Variants in CSMD1 observed in about 807,000 individuals in gnomAD.
CSMD1 encodes the protein CUB and sushi domain-containing protein 1.
CSMD1 carries 213 observed loss-of-function variants against 417.5 expected under a neutral mutation model. The ratio of observed to expected loss-of-function variants is 0.51; its 90% CI spans 0.46 to 0.57. The LOEUF (loss-of-function observed/expected upper bound fraction) is 0.57. CSMD1 is among the 20% of genes least tolerant of loss of function. The pLI, the probability that CSMD1 is intolerant of heterozygous loss-of-function variation, is 0.00. For synonymous variants in CSMD1, 2,862 were observed against 1,736.8 expected (o/e 1.65, Z -16.11); for missense variants, 6,923 against 4,529.7 (o/e 1.53, Z -15.17).
intron 5 of CSMD1, among the ~76,000 whole-genome samples, chr8:3,779,549 G>A (rs775517435): frequency 1.3e-5 from 2 of 152,164 alleles, no homozygotes; most frequent in Admixed American, 6.5e-5. Flanking sequence ...ATGCAAATTA[G>A]CAGTGAATTA....
intron 48 of CSMD1, among the ~76,000 whole-genome samples, chr8:3,090,715 CAT>C (rs1814883912): frequency 6.6e-6 from 1 of 152,142 alleles, no homozygotes; most frequent in Non-Finnish European, 1.5e-5. Context: ...CACGGGAAAA[CAT>C]AACTTGAAAG....
chr8:4,056,730 C>T (rs1450484796), intron 3 of CSMD1, among the ~76,000 whole-genome samples: 1 of 151,932 alleles, frequency 6.6e-6, no homozygotes, highest in Non-Finnish European at 1.5e-5. Context: ...GTACCCCTTC[C>T]TGTGTCCATG....
chr8:4,337,103 C>T (rs371112819), intron 3 of CSMD1, among the ~76,000 whole-genome samples: 24 of 152,232 alleles, frequency 1.6e-4, no homozygotes, highest in Admixed American at 7.2e-4. Flanking sequence ...GTTGCGGCCA[C>T]GTACAGGAGA....
At chr8:4,937,078 T>G (rs1374092142) in intron 1 of CSMD1, among the ~76,000 whole-genome samples, 2 of 152,134 alleles carry the variant, frequency 1.3e-5, no homozygotes, top group East Asian at 1.9e-4. Flanking sequence ...CCAGGCATTG[T>G]GGCACACACC....
intron 12 of CSMD1, among the ~76,000 whole-genome samples, chr8:3,445,146 A>G (rs1456151141): frequency 1.3e-5 from 2 of 152,234 alleles, no homozygotes; most frequent in Non-Finnish European, 1.5e-5. Context: ...TACAACCTAC[A>G]TCAAACAATC....
At chr8:4,910,873 G>C (rs1414264914) in intron 1 of CSMD1, among the ~76,000 whole-genome samples, 1 of 152,138 alleles carries the variant, frequency 6.6e-6, no homozygotes, top group Non-Finnish European at 1.5e-5. Context: ...ATCTCATCTT[G>C]AATTCCCATG....
intron 10 of CSMD1, among the ~76,000 whole-genome samples, chr8:3,513,804 C>G (rs992125202): frequency 6.6e-6 from 1 of 152,098 alleles, no homozygotes; most frequent in African/African-American, 2.4e-5. Context: ...ATTTTAATTA[C>G]GTAATAGAGT....
intron 1 of CSMD1, among the ~76,000 whole-genome samples, chr8:4,848,759 G>C (rs1203893389): frequency 6.6e-6 from 1 of 152,180 alleles, no homozygotes; most frequent in Non-Finnish European, 1.5e-5. Context: ...GGCCAGGCTA[G>C]TCTCAGACTG....
At chr8:4,242,642 T>C (rs1312650709) in intron 3 of CSMD1, among the ~76,000 whole-genome samples, 1 of 152,196 alleles carries the variant, frequency 6.6e-6, no homozygotes, top group Admixed American at 6.5e-5. Context: ...TTTGTGTGTT[T>C]GGAAATAGAT....
At chr8:3,576,214 C>G (rs1411532914) in intron 9 of CSMD1, among the ~76,000 whole-genome samples, 1 of 151,900 alleles carries the variant, frequency 6.6e-6, no homozygotes, top group Non-Finnish European at 1.5e-5. Context: ...CCACTGAACG[C>G]AGGTTTTCCA....
intron 2 of CSMD1, among the ~76,000 whole-genome samples, chr8:4,582,484 A>G (rs1312534135): frequency 6.6e-6 from 1 of 152,214 alleles, no homozygotes; most frequent in African/African-American, 2.4e-5. Context: ...TCTTTCCTCC[A>G]GGCACCAGGC....
intron 3 of CSMD1, among the ~76,000 whole-genome samples, chr8:4,177,554 G>C (rs1159810169): frequency 1.3e-5 from 2 of 151,998 alleles, no homozygotes; most frequent in African/African-American, 4.8e-5. Flanking sequence ...TTCAAAGCTA[G>C]CAGAAGGCAA....
At chr8:4,747,209 C>G (rs986948273) in intron 1 of CSMD1, among the ~76,000 whole-genome samples, 12 of 152,190 alleles carry the variant, frequency 7.9e-5, no homozygotes, top group Non-Finnish European at 2.9e-5. Context: ...TGGAGAATTT[C>G]TACCTTCAGT....
In CSMD1 at chr8:3,011,433, C is replaced by G. The variant is rs558074592; in HGVS notation, c.8029+7044G>C. On this transcript the variant is annotated intron_variant, in intron 52 of 69. Transcript: ENST00000635120. ...ATTTTATGTGGATCTTTCCAAAATA[C>G]AAGGCAATTGAAGAATATATTTAAA... 2.0e-5 allele frequency among the ~76,000 whole-genome samples: 3 copies of G among 152,120 alleles called. 1 individual carries two copies. In the South Asian group the frequency reaches 6.2e-4, roughly 32 times the overall value.
At position 3,069,418 on chromosome 8, in the gene CSMD1, G is replaced by A. The variant is rs559191552; in HGVS notation, c.7475-16771C>T. Among the ~76,000 whole-genome samples the A allele has an allele frequency of 4.0e-5, 6 of 151,344 alleles. No homozygotes were observed. The East Asian group carries it at 1.2e-3, about 29-fold the overall frequency. On this transcript the variant is annotated intron_variant, in intron 49 of 69. Coordinates refer to ENST00000635120, the MANE Select transcript of CSMD1 (RefSeq NM_033225.6). The stretch of plus-strand genomic sequence containing the variant: ...CCACTGCACACCAGCATGGGTGACA[G>A]AGTGAGACTCTGTCTGAAAAAAAAA...
chr8:4,725,219 A>T (rs187849346), intron 1 of CSMD1, among the ~76,000 whole-genome samples: 1 of 152,208 alleles, frequency 6.6e-6, no homozygotes, highest in Admixed American at 6.5e-5. Flanking sequence ...TTTAAGTCTT[A>T]TTGCAAGCTG....
chr8:3,232,267 G>C (rs1798887080), intron 26 of CSMD1, among the ~76,000 whole-genome samples: 1 of 152,068 alleles, frequency 6.6e-6, no homozygotes, highest in African/African-American at 2.4e-5. Context: ...GAAATCAAAT[G>C]CTTAACTGGA....
intron 1 of CSMD1, among the ~76,000 whole-genome samples, chr8:4,684,594 C>T (rs1242896402): frequency 1.3e-5 from 2 of 152,038 alleles, no homozygotes; most frequent in Admixed American, 1.3e-4. Flanking sequence ...GCCCTGTTAG[C>T]CTGTCTGAAC....
chr8:4,362,238 G>C (rs1271431585), intron 3 of CSMD1, among the ~76,000 whole-genome samples: 1 of 152,056 alleles, frequency 6.6e-6, no homozygotes, highest in Non-Finnish European at 1.5e-5. Flanking sequence ...CAAAAGACTT[G>C]TTTTTTCCAT....
Sources: gnomAD v4.1 joint callset for allele counts (sites outside exome capture counted in the v4.1 genomes callset) on GRCh38, gnomAD v4.1.1 for gene constraint, MANE v1.5 for transcripts, NCBI Gene and HGNC (gene_info 2026-07-23, HGNC 2026-07-21) for gene names.